The following INTS7 variants were observed in gnomAD, a reference collection of about 807,000 sequenced individuals.
INTS7 encodes the protein integrator complex subunit 7.
In INTS7, 46 loss-of-function variants were observed where a neutral mutation model predicts 109.2. The ratio of observed to expected loss-of-function variants is 0.42; its 90% confidence interval spans 0.33 to 0.54. The LOEUF (loss-of-function observed/expected upper bound fraction) is 0.54. INTS7 is among the 20% of genes least tolerant of loss of function. The pLI is 0.07. For missense variants in INTS7, 929 were observed against 1,132.4 expected (o/e 0.82, Z 2.58); for synonymous variants, 412 against 402.9 (o/e 1.02, Z -0.27).
intron 1 of INTS7, among the ~76,000 whole-genome samples, chr1:212,029,030 G>C (rs979372748): frequency 7.2e-5 from 11 of 152,212 alleles, no homozygotes; most frequent in Admixed American, 1.3e-4. Context: ...ATTTAAATTA[G>C]TGATTAAATG....
intron 19 of INTS7, among the ~76,000 whole-genome samples, chr1:211,943,600 G>A (rs986979483): frequency 5.3e-5 from 8 of 152,166 alleles, no homozygotes; most frequent in African/African-American, 1.9e-4. Flanking sequence ...TCAAAACAGA[G>A]GAAAAGAGGA....
At chr1:211,988,207 T>C (rs781779780) in intron 7 of INTS7, among the ~76,000 whole-genome samples, 3 of 151,950 alleles carry the variant, frequency 2.0e-5, no homozygotes, top group Non-Finnish European at 4.4e-5. Context: ...AGGATCACTC[T>C]AGCTCAGGAG....
At chr1:212,032,106 C>G (rs945674740) in intron 1 of INTS7, among the ~76,000 whole-genome samples, 1 of 152,200 alleles carries the variant, frequency 6.6e-6, no homozygotes, top group African/African-American at 2.4e-5. Flanking sequence ...TACCAAAAAC[C>G]TCTAAGTTTT....
chr1:211,978,581 TTG>T, intron 10 of INTS7, 70 bp from the exon 11 acceptor site: 2 of 1,560,732 alleles, frequency 1.3e-6, no homozygotes, highest in Non-Finnish European at 1.7e-6. Context: ...GAAAAGAGCT[TTG>T]TACAGGTTAC....
chr1:212,002,087 C>G (rs370226514), intron 7 of INTS7, among the ~76,000 whole-genome samples: 1 of 152,154 alleles, frequency 6.6e-6, no homozygotes. Flanking sequence ...AATGAGTCTC[C>G]CAGAGTCTTG....
intron 5 of INTS7, among the ~76,000 whole-genome samples, chr1:212,011,036 A>G (rs2102474098): frequency 6.6e-6 from 1 of 152,238 alleles, no homozygotes; most frequent in East Asian, 1.9e-4. Flanking sequence ...TATATATAAA[A>G]TAGATAAGTC....
intron 16 of INTS7, among the ~76,000 whole-genome samples, chr1:211,960,834 G>C (rs1663591358): frequency 6.6e-6 from 1 of 151,992 alleles, no homozygotes; most frequent in Non-Finnish European, 1.5e-5. Context: ...CCAACATGTT[G>C]AAATCCCGTC....
At chr1:211,945,210 A>G (rs561664277) in intron 18 of INTS7, among the ~76,000 whole-genome samples, 3 of 152,362 alleles carry the variant, frequency 2.0e-5, no homozygotes, top group Admixed American at 1.3e-4. Flanking sequence ...AGAATTAGAA[A>G]AAAGCAAAGG....
intron 7 of INTS7, among the ~76,000 whole-genome samples, chr1:211,996,337 G>T (rs766824079): frequency 2.0e-5 from 3 of 152,032 alleles, no homozygotes; most frequent in Non-Finnish European, 4.4e-5. Context: ...CAGGAGAATC[G>T]CTTGAACCCA....
At chr1:211,999,493 G>A (rs551257850) in intron 7 of INTS7, among the ~76,000 whole-genome samples, 21 of 152,240 alleles carry the variant, frequency 1.4e-4, no homozygotes, top group African/African-American at 5.1e-4. Flanking sequence ...AAACTTCTGG[G>A]GGTAATGAAA....
intron 16 of INTS7, among the ~76,000 whole-genome samples, chr1:211,958,012 T>G (rs1483702942): frequency 6.6e-6 from 1 of 152,034 alleles, no homozygotes; most frequent in South Asian, 2.1e-4. Context: ...TACTTCTATA[T>G]GTTAAAAACT....
rs1364942175 is a variant in INTS7, at chr1:211,998,064, T to C, written c.879+8575A>G. Among the ~76,000 whole-genome samples the C allele has an allele frequency of 5.9e-5, 9 of 152,276 alleles. No homozygotes were observed. The East Asian group carries it at 1.7e-3, about 29-fold the overall frequency. On this transcript the variant is annotated intron_variant, in intron 7 of 19. Transcript: ENST00000366994. ...AATTTGAACTCTTGGCCTCAAGCGA[T>C]CCCGCCAGCTCAGTCTCCCAAGTAG...
rs1663503460 is a variant in INTS7 at position 211,959,257 on chromosome 1, G to GCA, written c.2184-6557_2184-6556insTG. ...AACTTGCTGACTTGCTCCCATAGGA[G>GCA]ACTTTATCCCTAAGGGAACTGTCAG... On this transcript the variant is annotated intron_variant, in intron 16 of 19. Coordinates refer to ENST00000366994, the MANE Select transcript of INTS7 (RefSeq NM_015434.4). The surrounding 1 kb of genome is among the most constrained non-coding windows in gnomAD (Gnocchi z 4.2). Among the ~76,000 whole-genome samples the GCA allele has an allele frequency of 6.6e-6, 1 of 152,162 alleles. No individual in the cohort carries two copies.
rs1258438480 is a variant in INTS7, at chr1:211,946,327, A to T, written c.2415+280T>A. 1.3e-5 allele frequency among the ~76,000 whole-genome samples: 2 copies of T among 152,100 alleles called. No homozygotes were observed. Among genetic ancestry groups the T allele is most frequent in the African/African-American group, 4.8e-5 (2 of 41,426 alleles). ...GTGAAACCCCATCTTTACCAAAAAT[A>T]AAAAAATCAGCTGCGTGAGGTGGTG... is the stretch of plus-strand genomic sequence containing the variant. On this transcript the variant is annotated intron_variant, in intron 18 of 19. Transcript: ENST00000366994. The surrounding 1 kb of genome is among the most constrained non-coding windows in gnomAD (Gnocchi z 4.3).
intron 4 of INTS7, among the ~76,000 whole-genome samples, chr1:212,016,419 C>G (rs1412311931): frequency 1.3e-5 from 2 of 152,168 alleles, no homozygotes; most frequent in Non-Finnish European, 2.9e-5. Context: ...AAATACTGTT[C>G]TGTAAAACAA....
At chr1:211,964,741 G>T (rs1663793865) in intron 16 of INTS7, among the ~76,000 whole-genome samples, 1 of 152,140 alleles carries the variant, frequency 6.6e-6, no homozygotes, top group Non-Finnish European at 1.5e-5. Flanking sequence ...CTGTTCAATA[G>T]ATGGTGCTGG....
At chr1:212,004,876 G>T (rs537082441) in intron 7 of INTS7, among the ~76,000 whole-genome samples, 1 of 152,196 alleles carries the variant, frequency 6.6e-6, no homozygotes, top group Non-Finnish European at 1.5e-5. Flanking sequence ...GGTAAAAAAC[G>T]TAAGTCTGAT....
chr1:212,008,124 T>C (rs148562607), intron 5 of INTS7, among the ~76,000 whole-genome samples: 7 of 152,334 alleles, frequency 4.6e-5, no homozygotes, highest in East Asian at 1.9e-4. Flanking sequence ...GGCTTTTCCA[T>C]GGTGAAATAA....
intron 7 of INTS7, among the ~76,000 whole-genome samples, chr1:211,997,528 G>GAAAAA (rs71137714): frequency 6.8e-5 from 4 of 58,960 alleles, no homozygotes; most frequent in East Asian, 6.6e-4. Flanking sequence ...TCTCCAAACA[G>GAAAAA]AAAAAAAAAA....
Sources: gnomAD v4.1 joint callset for allele counts (sites outside exome capture counted in the v4.1 genomes callset) on GRCh38, gnomAD v4.1.1 for gene constraint, Gnocchi (gnomAD v3.1) non-coding constraint, MANE v1.5 for transcripts, NCBI Gene and HGNC (gene_info 2026-07-23, HGNC 2026-07-21) for gene names.